FAM91A1: variants seen among roughly 807,000 people sequenced by gnomAD.
FAM91A1 encodes the protein protein FAM91A1.
A neutral mutation model predicts 113.5 loss-of-function variants in FAM91A1; 41 were observed. The ratio of observed to expected loss-of-function variants is 0.36; its 90% CI spans 0.28 to 0.47. The LOEUF is 0.47. Among genes scored for constraint, FAM91A1 ranks in the 20% least tolerant of loss-of-function variants. The pLI, the probability that FAM91A1 is intolerant of heterozygous loss-of-function variation, is 1.00. For synonymous variants in FAM91A1, 307 were observed against 347.9 expected (o/e 0.88, Z 1.31); for missense variants, 696 against 1,001.2 (o/e 0.70, Z 4.11).
chr8:123,782,909 C>G (rs146683616), intron 8 of FAM91A1, among the ~76,000 whole-genome samples: 2,339 of 152,260 alleles, frequency 0.015, 35 homozygotes, highest in Middle Eastern at 0.024. Context: ...GTGGCTCACA[C>G]CTGTAATCCC....
chr8:123,781,589 T>G (rs1273559076), intron 8 of FAM91A1, among the ~76,000 whole-genome samples: 1 of 151,570 alleles, frequency 6.6e-6, no homozygotes, highest in African/African-American at 2.4e-5. Context: ...GCGATTCTCC[T>G]GCCTCAGTCT....
At chr8:123,800,264 G>GTA (rs146624491) in intron 18 of FAM91A1, among the ~76,000 whole-genome samples, 3,848 of 149,708 alleles carry the variant, frequency 0.026, 50 homozygotes, top group African/African-American at 0.034. Flanking sequence ...TTTCCTATAT[G>GTA]TATATATATA....
At chr8:123,810,403 C>A in intron 23 of FAM91A1, 52 bp downstream of exon 23, 2 of 1,461,306 alleles carry the variant, frequency 1.4e-6, no homozygotes, top group South Asian at 1.2e-5. Flanking sequence ...TTTAAGTATG[C>A]ACAACACTTC....
chr8:123,796,945 C>T (rs953648984), intron 15 of FAM91A1, among the ~76,000 whole-genome samples: 4 of 151,734 alleles, frequency 2.6e-5, no homozygotes, highest in African/African-American at 9.7e-5. Flanking sequence ...CCTGTAGTCC[C>T]AGCAGCTTGG....
chr8:123,785,590 A>G, intron 10 of FAM91A1, 39 bp from the exon 11 acceptor site: 1 of 1,343,850 alleles, frequency 7.4e-7, no homozygotes, highest in African/African-American at 1.5e-5. Flanking sequence ...TGTCTAGTTT[A>G]TTTTAAATGG....
chr8:123,809,845 G>T (rs1040305832), intron 22 of FAM91A1, among the ~76,000 whole-genome samples: 1 of 152,128 alleles, frequency 6.6e-6, no homozygotes, highest in African/African-American at 2.4e-5. Flanking sequence ...AATTTTTACT[G>T]ACTTACATAT....
chr8:123,810,430 T>C (rs975979937), intron 23 of FAM91A1, 79 bp downstream of exon 23: 1 of 1,202,260 alleles, frequency 8.3e-7, no homozygotes, highest in African/African-American at 1.5e-5. Flanking sequence ...TGTTTTTGAG[T>C]CACCACAGCA....
At chr8:123,787,547 C>T in intron 13 of FAM91A1, 117 bp from the exon 14 acceptor site, 2 of 1,011,548 alleles carry the variant, frequency 2.0e-6, no homozygotes, top group Non-Finnish European at 2.9e-6. Context: ...AGAATTAGCC[C>T]CTCACCCCCC....
intron 18 of FAM91A1, among the ~76,000 whole-genome samples, chr8:123,800,435 C>G (rs1815645315): frequency 6.6e-6 from 1 of 152,056 alleles, no homozygotes; most frequent in Non-Finnish European, 1.5e-5. Flanking sequence ...ATTTTCAGAC[C>G]TTGGTTGACC....
chr8:123,777,596 G>C (rs1300870425), intron 4 of FAM91A1, among the ~76,000 whole-genome samples: 1 of 152,162 alleles, frequency 6.6e-6, no homozygotes, highest in African/African-American at 2.4e-5. Flanking sequence ...TCTGATACTT[G>C]GGCTGTGTGT....
intron 18 of FAM91A1, among the ~76,000 whole-genome samples, chr8:123,805,004 G>A (rs1335446771): frequency 6.6e-6 from 1 of 152,066 alleles, no homozygotes; most frequent in Non-Finnish European, 1.5e-5. Context: ...TCTTCACTTG[G>A]CTAACACCTG....
intron 8 of FAM91A1, among the ~76,000 whole-genome samples, chr8:123,781,996 T>C (rs1287144378): frequency 6.6e-6 from 1 of 152,218 alleles, no homozygotes; most frequent in Non-Finnish European, 1.5e-5. Context: ...TCAGATAAGC[T>C]GACGTTGATT....
intron 15 of FAM91A1, among the ~76,000 whole-genome samples, chr8:123,797,744 C>T (rs1309486800): frequency 2.6e-5 from 4 of 152,182 alleles, no homozygotes; most frequent in South Asian, 2.1e-4. Context: ...TGACTGTGCA[C>T]GGCGTCAGCC....
intron 3 of FAM91A1, among the ~76,000 whole-genome samples, chr8:123,776,530 A>G (rs1814987873): frequency 6.6e-6 from 1 of 152,250 alleles, no homozygotes; most frequent in African/African-American, 2.4e-5. Context: ...CCAGGGTAGC[A>G]TAATGAAGGT....
chr8:123,808,840 A>C, intron 21 of FAM91A1, 53 bp from the exon 22 acceptor site: 1 of 1,467,464 alleles, frequency 6.8e-7, no homozygotes, highest in Non-Finnish European at 9.2e-7. Flanking sequence ...TATATAATAT[A>C]TACATAAGTA....
At chr8:123,773,244 T>C (rs1283214919) in intron 1 of FAM91A1, among the ~76,000 whole-genome samples, 1 of 152,240 alleles carries the variant, frequency 6.6e-6, no homozygotes, top group East Asian at 1.9e-4. Context: ...TCTTTGGTTT[T>C]GGCTTACCTA....
intron 15 of FAM91A1, among the ~76,000 whole-genome samples, chr8:123,791,914 C>T (rs1245527443): frequency 3.9e-5 from 6 of 152,150 alleles, no homozygotes. Context: ...GTGGCTCATG[C>T]CTGTATTCCC....
In FAM91A1 at chr8:123,778,810, T is replaced by G. The variant is rs780402205; in HGVS notation, c.549+38T>G. 1.9e-5 allele frequency: 24 copies of G among 1,276,560 alleles called. No homozygotes were observed. In the South Asian group the frequency reaches 4.3e-4, roughly 23 times the overall value. The allele number at this position is 1,276,560 out of a possible 1,614,324, so 79.1% of individuals were successfully genotyped here. On this transcript the variant is annotated intron_variant, in intron 6 of 23. Transcript: ENST00000334705. ...AAAAGTTAAACATAGAATTTTTATTTTTTAGTTTATTTTACAATTTTTAAT... is the reference window on the plus strand; with the variant it reads ...AAAAGTTAAACATAGAATTTTTATTGTTTAGTTTATTTTACAATTTTTAAT...
At chr8:123,795,889 A>G (rs1441430442) in intron 15 of FAM91A1, among the ~76,000 whole-genome samples, 1 of 152,210 alleles carries the variant, frequency 6.6e-6, no homozygotes, top group Non-Finnish European at 1.5e-5. Context: ...AAAGCTGCTG[A>G]GCCTTGAAGG....
Sources: gnomAD v4.1 joint callset for allele counts (sites outside exome capture counted in the v4.1 genomes callset) on GRCh38, gnomAD v4.1.1 for gene constraint, MANE v1.5 for transcripts, NCBI Gene and HGNC (gene_info 2026-07-23, HGNC 2026-07-21) for gene names.